The following PDZRN3 variants were observed in gnomAD, a reference collection of about 807,000 sequenced individuals.
PDZRN3 encodes E3 ubiquitin-protein ligase PDZRN3.
Under a neutral mutation model 85.7 loss-of-function variants are expected in PDZRN3, and 38 were observed. That is an observed-to-expected ratio of 0.44 (90% CI 0.34 to 0.58). The LOEUF is 0.58. Ranked by LOEUF, PDZRN3 falls within the 20% of genes least tolerant of loss-of-function variation. The probability of loss-of-function intolerance (pLI) is 0.01; values close to 1 mark genes in which losing one functional copy is unlikely to be tolerated. For synonymous variants in PDZRN3, 759 were observed against 638.0 expected, an observed-to-expected ratio of 1.19 and a Z score of -2.86; for missense variants, 1,629 against 1,506.4, an observed-to-expected ratio of 1.08 and a Z score of -1.35.
At chr3:73,596,055 GAAGATTA>G (rs1296974082) in intron 3 of PDZRN3, among the ~76,000 whole-genome samples, 1 of 152,126 alleles carries the variant, frequency 6.6e-6, no homozygotes, top group African/African-American at 2.4e-5. Context: ...AGCAAGGACA[GAAGATTA>G]ACCTGGAGTA....
intron 3 of PDZRN3, among the ~76,000 whole-genome samples, chr3:73,546,468 T>C (rs1053639249): frequency 7.2e-5 from 11 of 152,224 alleles, no homozygotes; most frequent in African/African-American, 1.2e-4. Context: ...CTTGTTCATT[T>C]TGAGAAATAA....
chr3:73,383,968 G>C lies in PDZRN3; in HGVS notation c.2598C>G (p.Ser866=), dbSNP rs559318475. 5.6e-6 allele frequency: 9 copies of C among 1,597,284 alleles called. No individual in the cohort carries two copies. In the African/African-American group the frequency reaches 1.1e-4, roughly 19 times the overall value. Residue 866 remains serine, a synonymous_variant, in exon 10 of 10, where the codon TCC becomes TCG. Coordinates refer to ENST00000263666, the MANE Select transcript of PDZRN3 (RefSeq NM_015009.3). ...GSAYLPSYHH[S]PYKHAHIPAH... ...CCGGGATGTGCGCGTGCTTGTATGG[G>C]GAGTGGTGATAGGAGGGCAGGTAGG...
At chr3:73,418,417 A>G (rs1282164203) in intron 3 of PDZRN3, among the ~76,000 whole-genome samples, 1 of 152,216 alleles carries the variant, frequency 6.6e-6, no homozygotes, top group African/African-American at 2.4e-5. Flanking sequence ...AAAATAGTAT[A>G]CTTGCATCTG....
At chr3:73,426,984 AT>A (rs1371492540) in intron 3 of PDZRN3, among the ~76,000 whole-genome samples, 2 of 152,186 alleles carry the variant, frequency 1.3e-5, no homozygotes, top group African/African-American at 4.8e-5. Flanking sequence ...TGCCAATAAT[AT>A]TCTTTCACTT....
intron 3 of PDZRN3, among the ~76,000 whole-genome samples, chr3:73,570,303 T>C (rs1373029138): frequency 1.3e-5 from 2 of 152,196 alleles, no homozygotes; most frequent in Non-Finnish European, 2.9e-5. Context: ...GAGGCATACA[T>C]CTAGAAGAGA....
intron 3 of PDZRN3, among the ~76,000 whole-genome samples, chr3:73,502,783 T>A (rs527843839): frequency 1.3e-5 from 2 of 152,234 alleles, no homozygotes; most frequent in Non-Finnish European, 2.9e-5. Flanking sequence ...CTGTGTGGCA[T>A]CTTACAGAAA....
intron 1 of PDZRN3, among the ~76,000 whole-genome samples, chr3:73,610,171 C>A (rs1702661104): frequency 6.6e-6 from 1 of 152,150 alleles, no homozygotes; most frequent in Admixed American, 6.5e-5. Context: ...GAAAAAGATA[C>A]TCTGTTTCTG....
rs1199220543 is a variant in PDZRN3, at chr3:73,603,870, AACACACACACACACATACACAC to A, written c.811-1431_811-1410del. 1.4e-4 allele frequency among the ~76,000 whole-genome samples: 16 copies of A among 110,436 alleles called. No individual in the cohort carries two copies. In the East Asian group the frequency reaches 4.1e-3, roughly 28 times the overall value. The allele number at this position is 110,436 out of a possible 152,430, so 72.5% of individuals were successfully genotyped here. ...CTCCTTCCTTCTTCACACTTCCCCA[AACACACACACACACATACACAC>A]ACACACACACACACACAGAGTAAAA... On this transcript the variant is annotated intron_variant, in intron 2 of 9. Coordinates refer to ENST00000263666, the MANE Select transcript of PDZRN3 (RefSeq NM_015009.3).
chr3:73,467,836 A>G (rs776498669), intron 3 of PDZRN3, among the ~76,000 whole-genome samples: 1 of 152,240 alleles, frequency 6.6e-6, no homozygotes, highest in Non-Finnish European at 1.5e-5. Flanking sequence ...GCTAAGTGAA[A>G]TAAGCCAGTT....
At chr3:73,457,093 GAC>G (rs1702999813) in intron 3 of PDZRN3, among the ~76,000 whole-genome samples, 1 of 151,794 alleles carries the variant, frequency 6.6e-6, no homozygotes, top group Non-Finnish European at 1.5e-5. Flanking sequence ...TTTTTTTTGA[GAC>G]AGAGTCTCAC....
chr3:73,624,416 C>T lies in PDZRN3; in HGVS notation c.410G>A (p.Arg137Gln). ...GCCCTCCTGGCAGCGGCCCACTGGCCGCGCGTCGCAGGCGTCGCGCATGTG... is the reference window on the plus strand; with the variant it reads ...GCCCTCCTGGCAGCGGCCCACTGGCTGCGCGTCGCAGGCGTCGCGCATGTG... ...EAHMRDACDA[R>Q]PVGRCQEGCG... Residue 137 changes from arginine to glutamine, a missense_variant, in exon 1 of 10, where the codon CGG becomes CAG. Physicochemically the swap from Arg to Gln is conservative, Grantham distance 43. Coordinates refer to ENST00000263666, the MANE Select transcript of PDZRN3 (RefSeq NM_015009.3). 1 of 1,301,292 alleles carries T rather than the reference C, an allele frequency of 7.7e-7. No homozygotes were observed. The highest frequency in any genetic ancestry group is 9.7e-7 in the Non-Finnish European group (1 of 1,030,128). 80.6% of individuals were successfully genotyped at this position (1,301,292 alleles called of 1,614,324 possible).
intron 3 of PDZRN3, among the ~76,000 whole-genome samples, chr3:73,537,907 T>C (rs1704827898): frequency 6.6e-6 from 1 of 151,554 alleles, no homozygotes; most frequent in Admixed American, 6.6e-5. Flanking sequence ...ATTACAGGAG[T>C]GAACCGTTGT....
At chr3:73,469,569 T>A (rs1703292534) in intron 3 of PDZRN3, among the ~76,000 whole-genome samples, 1 of 152,266 alleles carries the variant, frequency 6.6e-6, no homozygotes, top group Non-Finnish European at 1.5e-5. Context: ...CATGTAGGGG[T>A]CAGCCCAAAA....
At chr3:73,437,544 C>A (rs745639005) in intron 3 of PDZRN3, among the ~76,000 whole-genome samples, 3 of 152,136 alleles carry the variant, frequency 2.0e-5, no homozygotes, top group Non-Finnish European at 4.4e-5. Flanking sequence ...TTTGGTGAGT[C>A]TGGTGTCTAA....
At chr3:73,565,117 A>ATTTT (rs202184460) in intron 3 of PDZRN3, among the ~76,000 whole-genome samples, 1 of 139,016 alleles carries the variant, frequency 7.2e-6, no homozygotes, top group African/African-American at 2.9e-5. Context: ...ATATCCACCA[A>ATTTT]TTTTTTTTTT....
chr3:73,395,805 A>G (rs971959665), intron 5 of PDZRN3, among the ~76,000 whole-genome samples: 1 of 152,242 alleles, frequency 6.6e-6, no homozygotes, highest in African/African-American at 2.4e-5. Context: ...CTTCATTCAA[A>G]AAATATTTCC....
intron 7 of PDZRN3, among the ~76,000 whole-genome samples, chr3:73,389,418 A>G (rs931703056): frequency 6.6e-6 from 1 of 152,222 alleles, no homozygotes; most frequent in Non-Finnish European, 1.5e-5. Flanking sequence ...AGCCTCTGAA[A>G]TGCTTGGTCC....
chr3:73,485,952 C>T (rs1703653302), intron 3 of PDZRN3, among the ~76,000 whole-genome samples: 1 of 152,206 alleles, frequency 6.6e-6, no homozygotes, highest in Admixed American at 6.5e-5. Flanking sequence ...AATGATTGCA[C>T]GTGACTTGCT....
chr3:73,426,445 A>C (rs530590388), intron 3 of PDZRN3, among the ~76,000 whole-genome samples: 5 of 152,306 alleles, frequency 3.3e-5, no homozygotes, highest in Admixed American at 6.5e-5. Flanking sequence ...ACAAAATTCA[A>C]TAACCTTCAA....
Sources: allele counts gnomAD v4.1 joint callset (sites outside exome capture counted in the v4.1 genomes callset), GRCh38; gene constraint gnomAD v4.1.1; transcripts MANE v1.5; gene names NCBI Gene and HGNC (gene_info 2026-07-23, HGNC 2026-07-21).